The following EFCAB9 variants were observed in gnomAD, a reference collection of about 807,000 sequenced individuals.
The protein encoded by EFCAB9 is EF-hand calcium-binding domain-containing protein 9.
A neutral mutation model predicts 15.6 loss-of-function variants in EFCAB9; 16 were observed. The ratio of observed to expected loss-of-function variants is 1.03; its 90% CI spans 0.69 to 1.56. The LOEUF is 1.56. EFCAB9 is among the 40% of genes most tolerant of loss of function. The pLI is 0.00. For synonymous variants in EFCAB9, 76 were observed against 85.4 expected (o/e 0.89, Z 0.61); for missense variants, 208 against 235.4 (o/e 0.88, Z 0.76).
At chr5:172,195,208 A>G (rs964443153) in intron 1 of EFCAB9, among the ~76,000 whole-genome samples, 7 of 151,396 alleles carry the variant, frequency 4.6e-5, no homozygotes, top group Non-Finnish European at 8.8e-5. Flanking sequence ...ATAAATAAAT[A>G]TAAAAGCTGC....
At position 172,199,403 on chromosome 5, in the gene EFCAB9, C is replaced by G. The variant is rs1402272256; in HGVS notation, c.157C>G (p.Leu53Val). ...AACAGATGTGCTGTTCTATCACTTC[C>G]TTCATCATGTGACTGACTTGAAAAA... is the stretch of plus-strand genomic sequence containing the variant. ...TLNDVLFYHF[L>V]HHVTDLKKAQ... The change falls in exon 2 of 4, where the codon CTT becomes GTT. Residue 53 changes from leucine (L) to valine (V), a missense_variant. Transcript: ENST00000398186. 2.6e-6 allele frequency: 4 copies of G among 1,537,150 alleles called. No homozygotes were observed. The highest frequency in any genetic ancestry group is 3.5e-6 in the Non-Finnish European group (4 of 1,146,928).
Position 172,199,431 on chromosome 5 carries a change from C to T in EFCAB9, c.185C>T (p.Ala62Val), listed in dbSNP as rs1331667555. ...CATCATGTGACTGACTTGAAAAAGG[C>T]ACAGATCAACATTGTGTTTGACATG... ...FLHHVTDLKK[A>V]QINIVFDMLD... is the part of the protein sequence containing the mutation. Residue 62 changes from alanine to valine, a missense_variant, in exon 2 of 4, where the codon GCA becomes GTA. Physicochemically the swap from Ala to Val is moderately conservative, Grantham distance 64. Transcript: ENST00000398186. 1.0e-5 allele frequency: 16 copies of T among 1,537,130 alleles called. No homozygotes were observed. The highest frequency in any genetic ancestry group is 1.0e-5 in the Non-Finnish European group (12 of 1,146,928).
In EFCAB9 at chr5:172,200,771, G is replaced by A. The variant is rs1025555860; in HGVS notation, c.462+29G>A. On this transcript the variant is annotated intron_variant, in intron 3 of 3. Coordinates refer to ENST00000398186, the MANE Select transcript of EFCAB9 (RefSeq NM_001171183.2). ...AGTACAGATCCAAAATGTGGCATGT[G>A]TGTGGCAGTCTCTTCCCAAAAGCAG... The A allele has an allele frequency of 8.6e-6, 13 of 1,518,078 alleles. No homozygotes were observed. In the African/African-American group the frequency reaches 1.5e-4, roughly 18 times the overall value. The allele number at this position is 1,518,078 out of a possible 1,614,324, so 94.0% of individuals were successfully genotyped here.
In EFCAB9 at chr5:172,197,505, G is replaced by A. The variant is rs181350484; in HGVS notation, c.137-1878G>A. On this transcript the variant is annotated intron_variant, in intron 1 of 3. Transcript: ENST00000398186. Reference sequence around the variant, plus strand: ...ATGGGCAGTCTCAAGTTCCATGCCAGATTTCTTGAATCAGAATCTGTAGTT... The same window carrying A: ...ATGGGCAGTCTCAAGTTCCATGCCAAATTTCTTGAATCAGAATCTGTAGTT... 2.9e-3 allele frequency among the ~76,000 whole-genome samples: 439 copies of A among 152,314 alleles called. 2 individuals are homozygous for A. Among genetic ancestry groups the A allele is most frequent in the African/African-American group, 0.01 (424 of 41,566 alleles).
intron 1 of EFCAB9, among the ~76,000 whole-genome samples, chr5:172,197,508 T>G (rs1163316941): frequency 6.6e-6 from 1 of 152,208 alleles, no homozygotes; most frequent in Non-Finnish European, 1.5e-5. Flanking sequence ...CATGCCAGAT[T>G]TCTTGAATCA....
chr5:172,194,384 A>G, intron 1 of EFCAB9, 76 bp downstream of exon 1: 4 of 1,481,864 alleles, frequency 2.7e-6, no homozygotes, highest in Non-Finnish European at 2.7e-6. Flanking sequence ...TTGCAGAGCC[A>G]GAAACTATTT....
rs1232013351 is a variant in EFCAB9, at chr5:172,200,756, CA to C, written c.462+18del. The C allele has an allele frequency of 2.6e-6, 4 of 1,530,116 alleles. No individual in the cohort carries two copies. The South Asian group carries it at 3.6e-5, about 14-fold the overall frequency. The allele number at this position is 1,530,116 out of a possible 1,614,324, so 94.8% of individuals were successfully genotyped here. ...ACAGGTGACAATGTAAGTACAGATC[CA>C]AAATGTGGCATGTGTGTGGCAGTCT... On this transcript the variant is annotated intron_variant, in intron 3 of 3. Transcript: ENST00000398186.
At chr5:172,199,568 A>G in intron 2 of EFCAB9, 37 bp downstream of exon 2, 1 of 1,534,522 alleles carries the variant, frequency 6.5e-7, no homozygotes, top group Non-Finnish European at 8.7e-7. Context: ...CCTCTTGCTA[A>G]TGGGAGCACT....
intron 3 of EFCAB9, 123 bp downstream of exon 3, chr5:172,200,865 G>GCA: frequency 2.1e-6 from 2 of 957,668 alleles, no homozygotes; most frequent in Non-Finnish European, 3.0e-6. Flanking sequence ...ACTCAAATAA[G>GCA]CACATTGCAT....
In EFCAB9 at chr5:172,200,662, G is replaced by T; in HGVS notation, c.382G>T (p.Glu128Ter). 6.5e-7 allele frequency: 1 copy of T among 1,537,308 alleles called. No individual in the cohort carries two copies. Among genetic ancestry groups the T allele is most frequent in the Non-Finnish European group, 8.7e-7 (1 of 1,146,928 alleles). Residue 128 changes from glutamate to a stop codon, truncating the protein, a stop_gained, in exon 3 of 4, where the codon GAA becomes TAA. Transcript: ENST00000398186. LOFTEE classifies it high-confidence loss of function. ...TCTGAGAATTGGTGCAAAAAACTTC[G>T]AAATGTACAGATTTCTCTTCAATAT... ...GDLRIGAKNF[E>*]MYRFLFNIQK...
intron 2 of EFCAB9, among the ~76,000 whole-genome samples, chr5:172,199,932 C>CTTTTTTTT (rs34086491): frequency 6.8e-5 from 7 of 102,346 alleles, no homozygotes; most frequent in Non-Finnish European, 1.2e-4. Context: ...ACCCAGTTTC[C>CTTTTTTTT]TTTTTTTTTT....
At chr5:172,199,238 T>A (rs760191541) in intron 1 of EFCAB9, 145 bp from the exon 2 acceptor site, 11 of 1,078,126 alleles carry the variant, frequency 1.0e-5, no homozygotes, top group Admixed American at 2.7e-5. Context: ...GAAAGTACAG[T>A]GGCAAAGCCA....
chr5:172,194,241 G>A lies in EFCAB9; in HGVS notation c.69G>A (p.Val23=). 2 of 1,537,806 alleles carry A rather than the reference G, an allele frequency of 1.3e-6. No homozygotes were observed. Among genetic ancestry groups the A allele is most frequent in the East Asian group, 4.9e-5 (2 of 40,928 alleles). ...YLDKIYCLLS[V]RNVKALAEYF... ...ACAAAATATACTGCTTATTATCCGT[G>A]AGAAACGTGAAGGCTTTGGCAGAAT... Residue 23 remains valine, a synonymous_variant, in exon 1 of 4, where the codon GTG becomes GTA. Coordinates refer to ENST00000398186, the MANE Select transcript of EFCAB9 (RefSeq NM_001171183.2).
At chr5:172,199,651 G>A in intron 2 of EFCAB9, 120 bp downstream of exon 2, 1 of 1,394,286 alleles carries the variant, frequency 7.2e-7, no homozygotes, top group East Asian at 2.5e-5. Flanking sequence ...TGGGGAAAAT[G>A]AGTTTTGGTT....
chr5:172,201,758 C>T (rs1771259725), intron 3 of EFCAB9, among the ~76,000 whole-genome samples: 1 of 152,106 alleles, frequency 6.6e-6, no homozygotes, highest in Admixed American at 6.5e-5. Context: ...CCTGTAGTCC[C>T]AGCTCCCTGG....
rs756542256 is a variant in EFCAB9 at position 172,199,537 on chromosome 5, T to C, written c.285+6T>C. The C allele has an allele frequency of 4.4e-5, 67 of 1,536,948 alleles. No homozygotes were observed. The highest frequency in any genetic ancestry group is 4.8e-5 in the Non-Finnish European group (55 of 1,146,816). On this transcript the variant is annotated splice_donor_region_variant and intron_variant, in intron 2 of 3. Coordinates refer to ENST00000398186, the MANE Select transcript of EFCAB9 (RefSeq NM_001171183.2). Reference sequence around the variant, plus strand: ...GCATGCTGCTGGCCCACCAGGCAAGTAGCCGCGCGGCTGCTGCCATCCTCT... The same window carrying C: ...GCATGCTGCTGGCCCACCAGGCAAGCAGCCGCGCGGCTGCTGCCATCCTCT...
Position 172,203,200 on chromosome 5 carries a change from C to CCA in EFCAB9, c.463-14_463-13insCA. 1 of 1,204,660 alleles carries CCA rather than the reference C, an allele frequency of 8.3e-7. No individual in the cohort carries two copies. Among genetic ancestry groups the CCA allele is most frequent in the South Asian group, 1.8e-5 (1 of 54,480 alleles). The allele number at this position is 1,204,660 out of a possible 1,614,324, so 74.6% of individuals were successfully genotyped here. ...CCTGAAATAATTTTTCTTTCCCCCC[C>CCA]ACCCTAACCAAAGCGTCTTAATTAT... On this transcript the variant is annotated splice_polypyrimidine_tract_variant and intron_variant, in intron 3 of 3. Transcript: ENST00000398186.
chr5:172,202,401 A>G (rs773073397), intron 3 of EFCAB9, among the ~76,000 whole-genome samples: 3 of 151,300 alleles, frequency 2.0e-5, no homozygotes, highest in African/African-American at 7.3e-5. Context: ...TTTTCTACCA[A>G]CCTAATGGAA....
At chr5:172,196,325 T>C (rs1019075063) in intron 1 of EFCAB9, among the ~76,000 whole-genome samples, 7 of 152,040 alleles carry the variant, frequency 4.6e-5, no homozygotes, top group Admixed American at 6.6e-5. Flanking sequence ...GCTGTGCTTT[T>C]AGCTGGCTTC....
Sources: allele counts gnomAD v4.1 joint callset (sites outside exome capture counted in the v4.1 genomes callset), GRCh38; gene constraint gnomAD v4.1.1; transcripts MANE v1.5; gene names NCBI Gene and HGNC (gene_info 2026-07-23, HGNC 2026-07-21).